AGXT2: variants seen among roughly 807,000 people sequenced by gnomAD.
The protein encoded by AGXT2 is alanine--glyoxylate aminotransferase 2.
Under a neutral mutation model 62.5 loss-of-function variants are expected in AGXT2, and 61 were observed. The observed-to-expected ratio is 0.98, with a 90% CI of 0.79 to 1.21. AGXT2 has a LOEUF of 1.21. Ranked by LOEUF, AGXT2 falls within the 50% of genes most tolerant of loss-of-function variation. AGXT2 has a pLI of 0.00. For synonymous variants in AGXT2, 243 were observed against 218.7 expected (o/e 1.11, Z -0.98); for missense variants, 666 against 641.5 (o/e 1.04, Z -0.41).
At chr5:35,021,577 A>G (rs1470088485) in intron 9 of AGXT2, among the ~76,000 whole-genome samples, 1 of 150,676 alleles carries the variant, frequency 6.6e-6, no homozygotes, top group African/African-American at 2.4e-5. Context: ...TCAATTCAAG[A>G]TGGATTAAAG....
At chr5:35,007,669 G>T (rs2112179398) in intron 12 of AGXT2, among the ~76,000 whole-genome samples, 1 of 152,276 alleles carries the variant, frequency 6.6e-6, no homozygotes, top group Non-Finnish European at 1.5e-5. Flanking sequence ...TAGAGCCCAT[G>T]CTTATACTAA....
chr5:35,003,149 A>G (rs1397095692), intron 13 of AGXT2, among the ~76,000 whole-genome samples: 1 of 152,130 alleles, frequency 6.6e-6, no homozygotes, highest in Non-Finnish European at 1.5e-5. Context: ...CTTTTCAAGG[A>G]AGGGAGTGGG....
chr5:35,000,524 G>A (rs1766189219), intron 13 of AGXT2, among the ~76,000 whole-genome samples: 1 of 152,152 alleles, frequency 6.6e-6, no homozygotes, highest in Non-Finnish European at 1.5e-5. Flanking sequence ...GGGATTACAG[G>A]TGTGTGCCAC....
intron 1 of AGXT2, among the ~76,000 whole-genome samples, chr5:35,046,495 A>T (rs1768214273): frequency 6.6e-6 from 1 of 152,188 alleles, no homozygotes; most frequent in African/African-American, 2.4e-5. Context: ...CCTGGCTTTG[A>T]ATCCCAAGTT....
Position 35,047,943 on chromosome 5 carries a change from T to G in AGXT2, c.-51A>C. On this transcript the variant is annotated 5_prime_UTR_variant, in exon 1 of 14. Transcript: ENST00000231420. The stretch of plus-strand genomic sequence containing the variant: ...CATGGAAGCAGATTGGAGGCCGGGC[T>G]CTAACTGCTCACTATCCTGCTGGAC... 1 of 1,611,506 alleles carries G rather than the reference T, an allele frequency of 6.2e-7. No homozygotes were observed. The highest frequency in any genetic ancestry group is 8.5e-7 in the Non-Finnish European group (1 of 1,178,812).
intron 11 of AGXT2, chr5:35,012,738 T>C (rs567644394): frequency 1.8e-6 from 1 of 570,536 alleles, no homozygotes; most frequent in African/African-American, 1.9e-5. Flanking sequence ...TGAGGTTTAT[T>C]ATATATTATT....
chr5:35,019,938 C>T (rs1767002771), intron 9 of AGXT2, among the ~76,000 whole-genome samples: 1 of 152,160 alleles, frequency 6.6e-6, no homozygotes, highest in African/African-American at 2.4e-5. Flanking sequence ...GAGAATACTA[C>T]AACCACCTCT....
intron 6 of AGXT2, 182 bp from the exon 7 acceptor site, chr5:35,033,007 T>A: frequency 1.6e-6 from 1 of 630,418 alleles, no homozygotes; most frequent in Non-Finnish European, 2.9e-6. Flanking sequence ...AAATCAGCTA[T>A]GTGGGCCCTC....
chr5:35,013,492 G>T (rs373800017), intron 10 of AGXT2, among the ~76,000 whole-genome samples: 3 of 152,160 alleles, frequency 2.0e-5, no homozygotes, highest in East Asian at 3.9e-4. Context: ...ATCAGAATGG[G>T]CTGGCTTTCG....
At chr5:35,016,372 T>C (rs913658880) in intron 9 of AGXT2, among the ~76,000 whole-genome samples, 50 of 152,334 alleles carry the variant, frequency 3.3e-4, no homozygotes, top group Admixed American at 2.7e-3. Context: ...TGGGAGGAAT[T>C]TAGTTTATGG....
chr5:35,013,708 C>T (rs1005625293), intron 10 of AGXT2, among the ~76,000 whole-genome samples: 2 of 147,222 alleles, frequency 1.4e-5, no homozygotes, highest in South Asian at 2.2e-4. Flanking sequence ...CTTGCACCTG[C>T]GGAGGCAGAG....
chr5:35,026,143 T>C (rs1423058487), intron 8 of AGXT2: 3 of 593,802 alleles, frequency 5.1e-6, no homozygotes, highest in Non-Finnish European at 8.9e-6. Context: ...GCGGATGTTA[T>C]TAAGCAGCTA....
At chr5:35,006,892 A>G (rs1291691512) in intron 12 of AGXT2, among the ~76,000 whole-genome samples, 1 of 152,198 alleles carries the variant, frequency 6.6e-6, no homozygotes, top group Non-Finnish European at 1.5e-5. Context: ...AGAAACACAA[A>G]GCACTTACCA....
intron 5 of AGXT2, among the ~76,000 whole-genome samples, chr5:35,034,006 A>G (rs1435962026): frequency 6.6e-6 from 1 of 152,112 alleles, no homozygotes; most frequent in East Asian, 1.9e-4. Flanking sequence ...TAAGAAACAC[A>G]GGTTTTGTTT....
At chr5:35,039,951 T>G (rs893451834) in intron 2 of AGXT2, among the ~76,000 whole-genome samples, 1 of 152,212 alleles carries the variant, frequency 6.6e-6, no homozygotes, top group Non-Finnish European at 1.5e-5. Context: ...TGTATTTCTC[T>G]TCTTTGTGGA....
At chr5:35,000,467 G>A (rs573537438) in intron 13 of AGXT2, among the ~76,000 whole-genome samples, 7 of 152,044 alleles carry the variant, frequency 4.6e-5, no homozygotes, top group African/African-American at 1.2e-4. Flanking sequence ...TGCAACCTCC[G>A]CCTCCCAGGT....
At chr5:35,032,615 G>T in intron 7 of AGXT2, 117 bp downstream of exon 7, 1 of 1,004,444 alleles carries the variant, frequency 1.0e-6, no homozygotes, top group Non-Finnish European at 1.5e-6. Context: ...TGCTTCCTCT[G>T]GCTTTTCCCT....
intron 6 of AGXT2, 58 bp from the exon 7 acceptor site, chr5:35,032,883 G>T: frequency 1.5e-6 from 2 of 1,364,592 alleles, no homozygotes; most frequent in South Asian, 1.2e-5. Context: ...GCCAAGTTAG[G>T]GTAGCATATG....
intron 1 of AGXT2, among the ~76,000 whole-genome samples, chr5:35,042,506 TA>T (rs1768023059): frequency 6.6e-6 from 1 of 152,060 alleles, no homozygotes; most frequent in Non-Finnish European, 1.5e-5. Flanking sequence ...AATAAATAAC[TA>T]AAACTCAAAA....
Sources: gnomAD v4.1 joint callset for allele counts (sites outside exome capture counted in the v4.1 genomes callset) on GRCh38, gnomAD v4.1.1 for gene constraint, MANE v1.5 for transcripts, NCBI Gene and HGNC (gene_info 2026-07-23, HGNC 2026-07-21) for gene names.